The following COL4A2 variants were observed in gnomAD, a reference collection of about 807,000 sequenced individuals.
COL4A2 encodes collagen type IV alpha 2 chain.
A neutral mutation model predicts 200.2 loss-of-function variants in COL4A2; 99 were observed. That is an observed-to-expected ratio of 0.49 (90% CI 0.42 to 0.58). The LOEUF is 0.58. COL4A2 is among the 20% of genes least tolerant of loss of function. The probability of loss-of-function intolerance (pLI) is 0.00; values close to 1 mark genes in which losing one functional copy is unlikely to be tolerated. For synonymous variants in COL4A2, 897 were observed against 900.6 expected, an observed-to-expected ratio of 1.00 and a Z score of 0.07; for missense variants, 1,950 against 2,314.1, an observed-to-expected ratio of 0.84 and a Z score of 3.23.
chr13:110,361,818 A>C (rs9555691), intron 4 of COL4A2, among the ~76,000 whole-genome samples: 121,781 of 152,108 alleles, frequency 0.8, 49,013 homozygotes, highest in Non-Finnish European at 0.84. Context: ...GGAGCTGTGT[A>C]CCGGCTGCTT....
chr13:110,341,838 A>G (rs1160832729), intron 3 of COL4A2, among the ~76,000 whole-genome samples: 1 of 152,232 alleles, frequency 6.6e-6, no homozygotes. Context: ...ACAGGAGCAT[A>G]ATAAAAGCGG....
intron 24 of COL4A2, among the ~76,000 whole-genome samples, chr13:110,463,927 A>G (rs1315390127): frequency 1.3e-5 from 2 of 152,202 alleles, no homozygotes; most frequent in Admixed American, 6.5e-5. Flanking sequence ...CTGGGAGGCA[A>G]CAGGGTTAAA....
chr13:110,419,091 C>T (rs1028318642), intron 4 of COL4A2, among the ~76,000 whole-genome samples: 3 of 152,170 alleles, frequency 2.0e-5, no homozygotes, highest in African/African-American at 7.2e-5. Flanking sequence ...GAATTGCAGC[C>T]TTGGACAGGC....
chr13:110,399,906 C>T (rs1208656078), intron 4 of COL4A2, among the ~76,000 whole-genome samples: 1 of 152,158 alleles, frequency 6.6e-6, no homozygotes, highest in Non-Finnish European at 1.5e-5. Flanking sequence ...GAAGTTCCAT[C>T]TGTAAGATGC....
intron 16 of COL4A2, among the ~76,000 whole-genome samples, chr13:110,443,993 G>A (rs150356966): frequency 2.0e-5 from 3 of 152,230 alleles, no homozygotes; most frequent in African/African-American, 4.8e-5. Context: ...TCCTTAAGTC[G>A]TGCATAACCC....
chr13:110,399,520 T>G (rs1293815447), intron 4 of COL4A2, among the ~76,000 whole-genome samples: 4 of 152,212 alleles, frequency 2.6e-5, no homozygotes, highest in African/African-American at 9.6e-5. Flanking sequence ...CTGAACCACT[T>G]TACCTATTTT....
intron 18 of COL4A2, 22 bp from the exon 19 acceptor site, chr13:110,449,657 G>A (rs1442681523): frequency 6.5e-7 from 1 of 1,533,190 alleles, no homozygotes; most frequent in East Asian, 2.5e-5. Context: ...TGTTCTTACT[G>A]TGGGACTTGT....
At chr13:110,495,615 G>A (rs1378963640) in intron 40 of COL4A2, 148 bp downstream of exon 40, 2 of 1,030,878 alleles carry the variant, frequency 1.9e-6, no homozygotes, top group African/African-American at 1.6e-5. Context: ...CCTGTTGCAG[G>A]ACCTCTCAGC....
intron 14 of COL4A2, 125 bp from the exon 15 acceptor site, chr13:110,438,493 C>A: frequency 7.7e-7 from 1 of 1,296,702 alleles, no homozygotes; most frequent in Non-Finnish European, 1.1e-6. Flanking sequence ...TGAGCATCGC[C>A]AGGCGGTCTG....
At chr13:110,387,001 A>G (rs1024313589) in intron 4 of COL4A2, among the ~76,000 whole-genome samples, 4 of 152,154 alleles carry the variant, frequency 2.6e-5, no homozygotes, top group Non-Finnish European at 5.9e-5. Context: ...TTACTTTGGG[A>G]GGCCGAGGCG....
At position 110,407,207 on chromosome 13, in the gene COL4A2, G is replaced by A. The variant is rs547939952; in HGVS notation, c.181-17527G>A. On this transcript the variant is annotated intron_variant, in intron 4 of 47. Transcript: ENST00000360467. ...GGCCCAGGGCAGCACTGCGCCCCTCGGGTGGGAAAGCCGGTGTGGGAGAGT... is the reference window on the plus strand; with the variant it reads ...GGCCCAGGGCAGCACTGCGCCCCTCAGGTGGGAAAGCCGGTGTGGGAGAGT... Among the ~76,000 whole-genome samples the A allele has an allele frequency of 3.9e-5, 6 of 152,320 alleles. No individual in the cohort carries two copies. In the East Asian group the frequency reaches 9.6e-4, roughly 24 times the overall value.
At position 110,454,969 on chromosome 13, in the gene COL4A2, C is replaced by T. The variant is rs77126953; in HGVS notation, c.1340-2374C>T. Among the ~76,000 whole-genome samples the T allele has an allele frequency of 6.1e-3, 927 of 152,224 alleles. 6 individuals are homozygous for T. The highest frequency in any genetic ancestry group is 0.022 in the African/African-American group (899 of 41,544). Reference sequence around the variant, plus strand: ...TGGTCCTCACCCTCCTGCACAAACCCGGGAGCTCCAGCAGAGCCCTGGGCT... The same window carrying T: ...TGGTCCTCACCCTCCTGCACAAACCTGGGAGCTCCAGCAGAGCCCTGGGCT... On this transcript the variant is annotated intron_variant, in intron 20 of 47. Coordinates refer to ENST00000360467, the MANE Select transcript of COL4A2 (RefSeq NM_001846.4).
chr13:110,456,118 C>A (rs1395428407), intron 20 of COL4A2, among the ~76,000 whole-genome samples: 2 of 152,302 alleles, frequency 1.3e-5, no homozygotes, highest in Middle Eastern at 6.8e-3. Context: ...GTGAAGAGCA[C>A]CGTGTTTCTT....
chr13:110,355,876 G>T (rs1398408815), intron 3 of COL4A2, among the ~76,000 whole-genome samples: 1 of 149,402 alleles, frequency 6.7e-6, no homozygotes, highest in Admixed American at 6.6e-5. Flanking sequence ...CTGTGTGGGG[G>T]CTGAGGGCTG....
Position 110,507,996 on chromosome 13 carries a change from T to A in COL4A2, c.4656T>A (p.Gly1552=). The change falls in exon 47 of 48, where the codon GGT becomes GGA. Residue 1552 remains glycine, a synonymous_variant. Coordinates refer to ENST00000360467, the MANE Select transcript of COL4A2 (RefSeq NM_001846.4). ...TGCCCTTCCTGTACTGCAACCCTGGTGATGTCTGCTACTATGCCAGCCGGA... is the reference window on the plus strand; with the variant it reads ...TGCCCTTCCTGTACTGCAACCCTGGAGATGTCTGCTACTATGCCAGCCGGA... ...STMPFLYCNP[G]DVCYYASRND... The A allele has an allele frequency of 1.2e-6, 2 of 1,614,150 alleles. No homozygotes were observed. Among genetic ancestry groups the A allele is most frequent in the Non-Finnish European group, 8.5e-7 (1 of 1,180,030 alleles).
intron 47 of COL4A2, among the ~76,000 whole-genome samples, chr13:110,509,270 TACACACACACAC>T (rs60333796): frequency 8.7e-6 from 1 of 115,596 alleles, no homozygotes; most frequent in African/African-American, 3.5e-5. Flanking sequence ...TATATATATA[TACACACACACAC>T]ACACACACAC....
At chr13:110,381,539 C>T (rs982481292) in intron 4 of COL4A2, among the ~76,000 whole-genome samples, 4 of 152,200 alleles carry the variant, frequency 2.6e-5, no homozygotes, top group African/African-American at 9.6e-5. Flanking sequence ...GTCCTTATGA[C>T]CCTATTAGTG....
intron 4 of COL4A2, among the ~76,000 whole-genome samples, chr13:110,361,641 G>A (rs1048996509): frequency 6.6e-6 from 1 of 152,228 alleles, no homozygotes; most frequent in Non-Finnish European, 1.5e-5. Context: ...GGATTCTCAT[G>A]TGACCAGTGA....
intron 3 of COL4A2, among the ~76,000 whole-genome samples, chr13:110,317,924 G>A (rs79548480): frequency 0.01 from 1,568 of 152,282 alleles, 18 homozygotes; most frequent in African/African-American, 0.035. Context: ...AGAGAGACAG[G>A]GGATTCCATT....
Sources: allele counts gnomAD v4.1 joint callset (sites outside exome capture counted in the v4.1 genomes callset), GRCh38; gene constraint gnomAD v4.1.1; transcripts MANE v1.5; gene names NCBI Gene and HGNC (gene_info 2026-07-23, HGNC 2026-07-21).